USP16: variants seen among roughly 807,000 people sequenced by gnomAD.
USP16 encodes ubiquitin specific peptidase 16.
USP16 carries 77 observed loss-of-function variants against 95.9 expected under a neutral mutation model. That is an observed-to-expected ratio of 0.80 (90% confidence interval 0.67 to 0.97). The LOEUF (loss-of-function observed/expected upper bound fraction) is 0.97, where lower values mean the gene tolerates loss of function less well. Among genes scored for constraint, USP16 ranks in the 50% least tolerant of loss-of-function variants. The probability of loss-of-function intolerance (pLI) is 0.00; values close to 1 mark genes in which losing one functional copy is unlikely to be tolerated. For synonymous variants in USP16, 303 were observed against 318.2 expected (o/e 0.95, Z 0.51); for missense variants, 943 against 959.9 (o/e 0.98, Z 0.23).
In USP16 at chr21:29,030,714, G is replaced by A. The variant is rs1257925667; in HGVS notation, c.181G>A (p.Ala61Thr). 2 of 1,613,808 alleles carry A rather than the reference G, an allele frequency of 1.2e-6. No individual in the cohort carries two copies. Among genetic ancestry groups the A allele is most frequent in the Admixed American group, 1.7e-5 (1 of 59,920 alleles). ...CKTDNKVKDK[A>T]EEETEEKPSV... Reference sequence around the variant, plus strand: ...GACTGACAATAAAGTGAAAGATAAAGCTGAAGAAGAAACAGAAGAAAAGCC... The same window carrying A: ...GACTGACAATAAAGTGAAAGATAAAACTGAAGAAGAAACAGAAGAAAAGCC... Residue 61 changes from alanine to threonine, a missense_variant, in exon 3 of 18, where the codon GCT becomes ACT. Ala to Thr is a moderately conservative substitution (Grantham distance 58). Coordinates refer to ENST00000399976, the MANE Select transcript of USP16 (RefSeq NM_006447.3).
At chr21:29,036,178 G>A (rs1317650884) in intron 4 of USP16, 93 bp from the exon 5 acceptor site, 4 of 1,001,628 alleles carry the variant, frequency 4.0e-6, no homozygotes, top group African/African-American at 1.6e-5. Flanking sequence ...GAATAAGTTG[G>A]CAGTTACACA....
intron 1 of USP16, among the ~76,000 whole-genome samples, chr21:29,026,950 G>T (rs1227619359): frequency 6.6e-6 from 1 of 152,116 alleles, no homozygotes; most frequent in African/African-American, 2.4e-5. Context: ...TTTAGGGAGT[G>T]TGGTCCAGGA....
At chr21:29,028,118 T>C in intron 2 of USP16, 144 bp downstream of exon 2, 1 of 644,630 alleles carries the variant, frequency 1.6e-6, no homozygotes, top group Non-Finnish European at 2.5e-6. Flanking sequence ...TTTAATAGTC[T>C]TCTACTTTTT....
intron 13 of USP16, among the ~76,000 whole-genome samples, chr21:29,044,345 T>C (rs377180033): frequency 5.5e-4 from 84 of 152,324 alleles, no homozygotes; most frequent in Non-Finnish European, 1.1e-3. Context: ...GTCTTGGTTT[T>C]TTTCCCCCTT....
chr21:29,028,788 A>G (rs576682664), intron 2 of USP16, among the ~76,000 whole-genome samples: 1 of 152,328 alleles, frequency 6.6e-6, no homozygotes, highest in African/African-American at 2.4e-5. Flanking sequence ...CCATGGATGT[A>G]TATTTCATAA....
intron 6 of USP16, among the ~76,000 whole-genome samples, chr21:29,037,837 T>G (rs1358949426): frequency 6.6e-6 from 1 of 151,718 alleles, no homozygotes; most frequent in East Asian, 1.9e-4. Flanking sequence ...CCACCCCCTT[T>G]GGCCACCCAA....
chr21:29,037,149 A>G (rs770547691), intron 5 of USP16, 127 bp from the exon 6 acceptor site: 2 of 526,412 alleles, frequency 3.8e-6, no homozygotes, highest in Admixed American at 4.3e-5. Context: ...TTAAAATCAA[A>G]TGGGTGGGTG....
chr21:29,048,119 T>C lies in USP16; in HGVS notation c.2012-642T>C, dbSNP rs570438913. On this transcript the variant is annotated intron_variant, in intron 14 of 17. Transcript: ENST00000399976. ...TGTGTTTTGAGACAGAGTCCTGCCC[T>C]TTCTCCCAGGCTAAAGTGCAGTGGC... 6.0e-5 allele frequency among the ~76,000 whole-genome samples: 9 copies of C among 149,870 alleles called. No individual in the cohort carries two copies. The East Asian group carries it at 1.6e-3, about 26-fold the overall frequency.
rs752785458 is a variant in USP16, at chr21:29,048,846, A to T, written c.2097A>T (p.Arg699Ser). Residue 699 changes from arginine to serine, a missense_variant, in exon 15 of 18, where the codon AGA becomes AGT. By Grantham distance (110) the Arg-to-Ser change is moderately radical (BLOSUM62 -1). Transcript: ENST00000399976. ...APPVLTLHLK[R>S]FQQAGFNLRK... ...CTGTTCTTACTCTTCATTTAAAGAG[A>T]TTTCAGCAGGTACTCCTTGTTACCC... is the stretch of plus-strand genomic sequence containing the variant. 1 of 1,612,862 alleles carries T rather than the reference A, an allele frequency of 6.2e-7. No homozygotes were observed.
intron 6 of USP16, 80 bp from the exon 7 acceptor site, chr21:29,038,255 A>G: frequency 1.1e-6 from 1 of 908,498 alleles, no homozygotes; most frequent in Non-Finnish European, 1.7e-6. Context: ...TTCTGTTTTG[A>G]TAGAATAGAC....
At chr21:29,033,249 T>C (rs1388721341) in intron 3 of USP16, among the ~76,000 whole-genome samples, 1 of 152,246 alleles carries the variant, frequency 6.6e-6, no homozygotes, top group Non-Finnish European at 1.5e-5. Context: ...GATTCTTAAC[T>C]GTTGTCTCAA....
At chr21:29,025,094 A>G (rs1006410002) in intron 1 of USP16, among the ~76,000 whole-genome samples, 1 of 152,224 alleles carries the variant, frequency 6.6e-6, no homozygotes, top group African/African-American at 2.4e-5. Flanking sequence ...GGCGCGTGGC[A>G]GGGACTTCCC....
rs1190189115 is a variant in USP16, at chr21:29,042,452, G to C, written c.1123-20G>C. On this transcript the variant is annotated intron_variant, in intron 11 of 17. Transcript: ENST00000399976. ...TTTACAGTATTTACATTTTTACACT[G>C]TCTTTTCTGATTGGTTAAGGTCTCC... 1 of 1,598,966 alleles carries C rather than the reference G, an allele frequency of 6.3e-7. No individual in the cohort carries two copies. The highest frequency in any genetic ancestry group is 8.5e-7 in the Non-Finnish European group (1 of 1,174,176).
intron 5 of USP16, 42 bp downstream of exon 5, chr21:29,036,416 T>G (rs2085157813): frequency 2.6e-6 from 4 of 1,546,044 alleles, no homozygotes; most frequent in Middle Eastern, 1.7e-4. Context: ...AATGTCGATT[T>G]GTGTATCTGC....
intron 3 of USP16, among the ~76,000 whole-genome samples, chr21:29,032,173 T>G (rs1166358224): frequency 1.3e-5 from 2 of 152,196 alleles, no homozygotes; most frequent in Non-Finnish European, 2.9e-5. Flanking sequence ...ATTTAGTCAT[T>G]TCATCAAAAA....
Position 29,038,429 on chromosome 21 carries a change from C to T in USP16, c.731C>T (p.Thr244Ile), listed in dbSNP as rs1028514583. ...ATTGAACCACCTGATTTGGCATTAA[C>T]AGTATGTTCTTTAAACTTTTCTAGT... ...VKIEPPDLAL[T>I]EPLEINLEPP... Residue 244 changes from threonine to isoleucine, a missense_variant and splice_region_variant, in exon 7 of 18, where the codon ACA becomes ATA. Thr to Ile is a moderately conservative substitution (Grantham distance 89, BLOSUM62 -1). Coordinates refer to ENST00000399976, the MANE Select transcript of USP16 (RefSeq NM_006447.3). 1.9e-6 allele frequency: 3 copies of T among 1,606,692 alleles called. No homozygotes were observed. Among genetic ancestry groups the T allele is most frequent in the Non-Finnish European group, 2.6e-6 (3 of 1,174,746 alleles).
At chr21:29,025,647 G>C in intron 1 of USP16, 1 of 563,774 alleles carries the variant, frequency 1.8e-6, no homozygotes, top group Non-Finnish European at 2.2e-6. Flanking sequence ...AGATTTACTA[G>C]TGCTGTCTTC....
intron 3 of USP16, among the ~76,000 whole-genome samples, chr21:29,032,510 G>A (rs2085092687): frequency 6.6e-6 from 1 of 152,198 alleles, no homozygotes; most frequent in African/African-American, 2.4e-5. Flanking sequence ...AAGATGATAG[G>A]TGTGAGCCAC....
intron 16 of USP16, among the ~76,000 whole-genome samples, chr21:29,050,493 T>C (rs1326636824): frequency 6.6e-6 from 1 of 152,216 alleles, no homozygotes; most frequent in African/African-American, 2.4e-5. Context: ...CTGGTGAACA[T>C]AGGTCAGGAG....
Sources: allele counts gnomAD v4.1 joint callset (sites outside exome capture counted in the v4.1 genomes callset), GRCh38; gene constraint gnomAD v4.1.1; transcripts MANE v1.5; gene names NCBI Gene and HGNC (gene_info 2026-07-23, HGNC 2026-07-21).